Variants in AGBL1 observed in about 807,000 individuals in gnomAD.
AGBL1 encodes AGBL carboxypeptidase 1.
A neutral mutation model predicts 118.9 loss-of-function variants in AGBL1; 130 were observed. The ratio of observed to expected loss-of-function variants is 1.09; its 90% CI spans 0.95 to 1.26. The LOEUF is 1.26. Ranked by LOEUF, AGBL1 falls within the 50% of genes most tolerant of loss-of-function variation. The probability of loss-of-function intolerance (pLI) is 0.00; values close to 1 mark genes in which losing one functional copy is unlikely to be tolerated. For missense variants in AGBL1, 1,584 were observed against 1,298.1 expected (o/e 1.22, Z -3.38); for synonymous variants, 555 against 478.9 (o/e 1.16, Z -2.08).
At chr15:86,822,974 A>G (rs765701283) in intron 22 of AGBL1, among the ~76,000 whole-genome samples, 11 of 152,158 alleles carry the variant, frequency 7.2e-5, no homozygotes, top group Non-Finnish European at 1.3e-4. Context: ...TATTGGGGTT[A>G]AACAGAAGTC....
At chr15:86,853,283 G>A (rs892745101) in intron 22 of AGBL1, among the ~76,000 whole-genome samples, 1 of 152,108 alleles carries the variant, frequency 6.6e-6, no homozygotes, top group Admixed American at 6.6e-5. Context: ...AATCAAAATA[G>A]TTTCACACGT....
At chr15:86,148,046 G>T (rs1171604934) in intron 3 of AGBL1, among the ~76,000 whole-genome samples, 1 of 152,224 alleles carries the variant, frequency 6.6e-6, no homozygotes, top group African/African-American at 2.4e-5. Context: ...GGACCTGACT[G>T]TCAGGAGGAA....
Position 86,249,990 on chromosome 15 carries a change from T to A in AGBL1, c.735+2111T>A, listed in dbSNP as rs138763280. 2.6e-5 allele frequency among the ~76,000 whole-genome samples: 4 copies of A among 152,330 alleles called. No individual in the cohort carries two copies. In the East Asian group the frequency reaches 5.8e-4, roughly 22 times the overall value. The stretch of plus-strand genomic sequence containing the variant: ...TTCCAGCCTTGAACTACTGTTGGAA[T>A]GGAAGCAGAATGTGAGTGCACACAG... On this transcript the variant is annotated intron_variant, in intron 7 of 22. Transcript: ENST00000614907.
chr15:86,183,663 G>T (rs1348466032), intron 5 of AGBL1, among the ~76,000 whole-genome samples: 1 of 152,106 alleles, frequency 6.6e-6, no homozygotes, highest in Non-Finnish European at 1.5e-5. Context: ...CTGTTTCCTT[G>T]AACTAATTTG....
rs189827205 is a variant in AGBL1, at chr15:86,185,309, C to T, written c.488+26283C>T. On this transcript the variant is annotated intron_variant, in intron 5 of 22. Transcript: ENST00000614907. ...AAGAACACTCTTACACTGTTGGTGG[C>T]ACTGTAAACTAGTTCAACCATTGTG... 3.2e-3 allele frequency among the ~76,000 whole-genome samples: 480 copies of T among 152,240 alleles called. 6 individuals carry two copies. The highest frequency in any genetic ancestry group is 0.013 in the East Asian group (65 of 5,180).
chr15:86,343,636 A>G (rs956440032), intron 17 of AGBL1, among the ~76,000 whole-genome samples: 4 of 152,208 alleles, frequency 2.6e-5, no homozygotes, highest in African/African-American at 7.2e-5. Flanking sequence ...AGGGGCCGTG[A>G]TAGATTTTCA....
At chr15:86,690,367 A>G (rs2086142469) in intron 22 of AGBL1, among the ~76,000 whole-genome samples, 1 of 152,172 alleles carries the variant, frequency 6.6e-6, no homozygotes, top group Admixed American at 6.6e-5. Context: ...TTATACTTGG[A>G]ATTGACAGCA....
Position 86,791,405 on chromosome 15 carries a change from A to G in AGBL1, c.3159-115682A>G, listed in dbSNP as rs78267674. Among the ~76,000 whole-genome samples, 625 of 152,180 alleles carry G rather than the reference A, an allele frequency of 4.1e-3. 4 individuals are homozygous for G. The highest frequency in any genetic ancestry group is 0.014 in the African/African-American group (589 of 41,488). ...ACTGTAGTTTGCATGATCATTTCAG[A>G]ATTAAAACAAGTAATTCACCTCACC... On this transcript the variant is annotated intron_variant, in intron 22 of 22. Transcript: ENST00000614907.
chr15:86,483,491 C>T (rs1397567208), intron 18 of AGBL1, among the ~76,000 whole-genome samples: 1 of 152,096 alleles, frequency 6.6e-6, no homozygotes, highest in African/African-American at 2.4e-5. Flanking sequence ...GACCTCCCAT[C>T]CCATCATGGC....
At chr15:86,169,722 G>T (rs1385285365) in intron 5 of AGBL1, among the ~76,000 whole-genome samples, 1 of 152,306 alleles carries the variant, frequency 6.6e-6, no homozygotes, top group East Asian at 1.9e-4. Flanking sequence ...ATTCAGCACA[G>T]ATGCAATTTT....
chr15:86,245,669 A>G (rs1385165040), intron 6 of AGBL1, among the ~76,000 whole-genome samples: 1 of 152,196 alleles, frequency 6.6e-6, no homozygotes, highest in Non-Finnish European at 1.5e-5. Flanking sequence ...GGGCGGTCCC[A>G]AACAGGAATA....
At chr15:87,017,894 A>G (rs1037124032) in intron 24 of AGBL1, among the ~76,000 whole-genome samples, 1 of 152,128 alleles carries the variant, frequency 6.6e-6, no homozygotes, top group Non-Finnish European at 1.5e-5. Flanking sequence ...AGAAGCTATA[A>G]TCATCATAAA....
chr15:86,646,366 G>T (rs2085279686), intron 21 of AGBL1, among the ~76,000 whole-genome samples: 1 of 152,184 alleles, frequency 6.6e-6, no homozygotes, highest in Non-Finnish European at 1.5e-5. Context: ...AAATAGGAAT[G>T]TTAGACCCTA....
intron 1 of AGBL1, among the ~76,000 whole-genome samples, chr15:86,120,704 A>G (rs1198856700): frequency 1.3e-5 from 2 of 152,200 alleles, no homozygotes; most frequent in African/African-American, 2.4e-5. Context: ...TTGGTTCTCA[A>G]TAAAGGTATT....
intron 22 of AGBL1, among the ~76,000 whole-genome samples, chr15:86,850,510 A>T (rs942437457): frequency 3.9e-5 from 6 of 152,260 alleles, no homozygotes; most frequent in Admixed American, 1.3e-4. Context: ...CTGCGCCCAC[A>T]TTGCCTGTCT....
intron 18 of AGBL1, among the ~76,000 whole-genome samples, chr15:86,421,194 T>A (rs2081784915): frequency 6.6e-6 from 1 of 151,536 alleles, no homozygotes; most frequent in Non-Finnish European, 1.5e-5. Flanking sequence ...AAGGAAAAAA[T>A]GTTAAGGGCA....
chr15:86,235,416 G>C (rs984873220), intron 6 of AGBL1, among the ~76,000 whole-genome samples: 2 of 152,176 alleles, frequency 1.3e-5, no homozygotes, highest in East Asian at 1.9e-4. Context: ...AATATCCAAG[G>C]TTGATGAGTT....
chr15:87,028,041 AG>A (rs1262952603), intron 24 of AGBL1, among the ~76,000 whole-genome samples: 1 of 151,524 alleles, frequency 6.6e-6, no homozygotes, highest in African/African-American at 2.4e-5. Context: ...TGAACTTAAA[AG>A]TGGAAGAAAA....
At chr15:86,400,677 A>T in intron 18 of AGBL1, among the ~76,000 whole-genome samples, 1 of 148,790 alleles carries the variant, frequency 6.7e-6, no homozygotes, top group East Asian at 2.0e-4. Flanking sequence ...CTCATAGCTT[A>T]GCTCCCACTT....
Sources: gnomAD v4.1 joint callset for allele counts (sites outside exome capture counted in the v4.1 genomes callset) on GRCh38, gnomAD v4.1.1 for gene constraint, MANE v1.5 for transcripts, NCBI Gene and HGNC (gene_info 2026-07-23, HGNC 2026-07-21) for gene names.